Variants in ZDHHC20 observed in about 807,000 individuals in gnomAD.
ZDHHC20 encodes zDHHC palmitoyltransferase 20, also known as palmitoyltransferase ZDHHC20.
A neutral mutation model predicts 57.8 loss-of-function variants in ZDHHC20; 43 were observed. The ratio of observed to expected loss-of-function variants is 0.74; its 90% CI spans 0.58 to 0.96. The LOEUF is 0.96. Among genes scored for constraint, ZDHHC20 ranks in the 40% least tolerant of loss-of-function variants. The probability of loss-of-function intolerance (pLI) is 0.00; values close to 1 mark genes in which losing one functional copy is unlikely to be tolerated. For missense variants in ZDHHC20, 391 were observed against 441.1 expected (o/e 0.89, Z 1.02); for synonymous variants, 157 against 153.0 (o/e 1.03, Z -0.19).
chr13:21,409,763 G>T (rs1264182506), intron 4 of ZDHHC20, among the ~76,000 whole-genome samples: 1 of 152,072 alleles, frequency 6.6e-6, no homozygotes, highest in African/African-American at 2.4e-5. Flanking sequence ...CTCTAAACTG[G>T]TTATTCCAGT....
At chr13:21,443,350 C>T (rs886178095) in intron 1 of ZDHHC20, among the ~76,000 whole-genome samples, 1 of 152,130 alleles carries the variant, frequency 6.6e-6, no homozygotes, top group Admixed American at 6.6e-5. Flanking sequence ...ATTTCCCACT[C>T]GGGATAGGGT....
At position 21,425,749 on chromosome 13, in the gene ZDHHC20, A is replaced by AAT. The variant is rs947185111; in HGVS notation, c.119-73_119-72dup. ...TGTATGTAAGTTTTATTTCAGGTTG[A>AAT]ATATTCATCTTAATATCATTTTCAA... On this transcript the variant is annotated intron_variant, in intron 1 of 12. Transcript: ENST00000400590. 5.5e-6 allele frequency: 5 copies of AAT among 916,006 alleles called. No individual in the cohort carries two copies. In the African/African-American group the frequency reaches 8.8e-5, roughly 16 times the overall value. 56.7% of individuals were successfully genotyped at this position (916,006 alleles called of 1,614,324 possible).
At chr13:21,384,319 A>C (rs1416292006) in intron 9 of ZDHHC20, among the ~76,000 whole-genome samples, 1 of 152,018 alleles carries the variant, frequency 6.6e-6, no homozygotes, top group Non-Finnish European at 1.5e-5. Flanking sequence ...ATGCGCCTGT[A>C]ATCCTAGCTA....
chr13:21,417,386 C>T (rs1880111227), intron 3 of ZDHHC20, among the ~76,000 whole-genome samples: 1 of 151,914 alleles, frequency 6.6e-6, no homozygotes, highest in Non-Finnish European at 1.5e-5. Flanking sequence ...GAAAAGACAC[C>T]CCACCCGTAT....
chr13:21,427,727 C>T (rs558535674), intron 1 of ZDHHC20, among the ~76,000 whole-genome samples: 117 of 147,770 alleles, frequency 7.9e-4, no homozygotes, highest in African/African-American at 2.7e-3. Flanking sequence ...CCCACATACT[C>T]GGGAGGCTGA....
At chr13:21,411,859 C>T (rs577507299) in intron 4 of ZDHHC20, among the ~76,000 whole-genome samples, 68 of 152,136 alleles carry the variant, frequency 4.5e-4, no homozygotes, top group Non-Finnish European at 7.5e-4. Flanking sequence ...TAGAAGTGAA[C>T]GAGGCAGACT....
In ZDHHC20 at chr13:21,381,394, T is replaced by G. The variant is rs1266939523; in HGVS notation, c.1060+40A>C. On this transcript the variant is annotated intron_variant, in intron 11 of 12. Coordinates refer to ENST00000400590, the MANE Select transcript of ZDHHC20 (RefSeq NM_001330059.2). ...ATGTATTATATCTGGTGCTTTTCAT[T>G]TGAACCAGACAAAGCAGTGTTTCAA... 3 of 1,461,164 alleles carry G rather than the reference T, an allele frequency of 2.1e-6. No individual in the cohort carries two copies. In the Admixed American group the frequency reaches 5.3e-5, roughly 26 times the overall value. The allele number at this position is 1,461,164 out of a possible 1,614,324, so 90.5% of individuals were successfully genotyped here. A position where few individuals can be genotyped will look rare whatever the true frequency, so the allele number is the denominator to read the frequency against.
intron 11 of ZDHHC20, 100 bp downstream of exon 11, chr13:21,381,334 A>C: frequency 9.9e-7 from 1 of 1,009,324 alleles, no homozygotes; most frequent in South Asian, 1.5e-5. Flanking sequence ...ATATTTTAGT[A>C]TTTTTAAAAT....
chr13:21,405,385 A>G (rs1878300586), intron 4 of ZDHHC20, among the ~76,000 whole-genome samples: 1 of 152,160 alleles, frequency 6.6e-6, no homozygotes, highest in African/African-American at 2.4e-5. Context: ...TAGCTCAGCT[A>G]TTTTTTTCCC....
At chr13:21,395,661 C>A (rs1010601387) in intron 7 of ZDHHC20, among the ~76,000 whole-genome samples, 1 of 151,654 alleles carries the variant, frequency 6.6e-6, no homozygotes, top group Non-Finnish European at 1.5e-5. Context: ...GCCACCACAC[C>A]CAGCTAATTT....
intron 1 of ZDHHC20, among the ~76,000 whole-genome samples, chr13:21,443,036 T>C (rs1004546038): frequency 3.9e-5 from 6 of 152,226 alleles, no homozygotes; most frequent in East Asian, 1.9e-4. Flanking sequence ...ACCAGTGCCT[T>C]CTTCTGTTAC....
chr13:21,421,470 G>T (rs1880642502), intron 2 of ZDHHC20, among the ~76,000 whole-genome samples: 1 of 152,084 alleles, frequency 6.6e-6, no homozygotes, highest in Non-Finnish European at 1.5e-5. Context: ...TATATTTCAA[G>T]TTCTCCAAAA....
rs779345300 is a variant in ZDHHC20, at chr13:21,421,182, A to C, written c.146-18T>G. 1 of 1,600,094 alleles carries C rather than the reference A, an allele frequency of 6.2e-7. No individual in the cohort carries two copies. Among genetic ancestry groups the C allele is most frequent in the Non-Finnish European group, 8.6e-7 (1 of 1,169,074 alleles). ...GGTCTTTCCTGGTAAATAAAAACAA[A>C]TAACAGTTCATTGAATCCAGGTGAA... On this transcript the variant is annotated intron_variant, in intron 2 of 12. Coordinates refer to ENST00000400590, the MANE Select transcript of ZDHHC20 (RefSeq NM_001330059.2).
intron 7 of ZDHHC20, among the ~76,000 whole-genome samples, chr13:21,393,146 G>C (rs1876055536): frequency 1.3e-5 from 2 of 151,564 alleles, no homozygotes; most frequent in African/African-American, 4.8e-5. Context: ...AGAAAAAATA[G>C]ACAAGAACAT....
intron 12 of ZDHHC20, chr13:21,377,266 G>A (rs1593158574): frequency 8.7e-6 from 1 of 114,398 alleles, no homozygotes; most frequent in East Asian, 2.4e-4. Context: ...CCTAGTGCCT[G>A]CGATCTGACT....
intron 11 of ZDHHC20, among the ~76,000 whole-genome samples, chr13:21,380,933 G>A (rs902157985): frequency 7.9e-5 from 12 of 151,856 alleles, no homozygotes; most frequent in South Asian, 2.1e-4. Flanking sequence ...TACTCTCCTC[G>A]CTCTATCCCT....
intron 1 of ZDHHC20, among the ~76,000 whole-genome samples, chr13:21,433,126 C>A (rs1882165538): frequency 6.6e-6 from 1 of 152,068 alleles, no homozygotes; most frequent in Admixed American, 6.5e-5. Flanking sequence ...TAAATACTTA[C>A]TTATTTTTAC....
At chr13:21,450,347 C>T (rs1249278741) in intron 1 of ZDHHC20, among the ~76,000 whole-genome samples, 4 of 152,164 alleles carry the variant, frequency 2.6e-5, no homozygotes, top group African/African-American at 7.2e-5. Context: ...AACAGTCTGA[C>T]TTGGTTTCTA....
chr13:21,441,308 T>C (rs1055519776), intron 1 of ZDHHC20, among the ~76,000 whole-genome samples: 1 of 152,044 alleles, frequency 6.6e-6, no homozygotes, highest in African/African-American at 2.4e-5. Flanking sequence ...GTGACATTTT[T>C]CTTGTTTTTT....
Sources: allele counts gnomAD v4.1 joint callset (sites outside exome capture counted in the v4.1 genomes callset), GRCh38; gene constraint gnomAD v4.1.1; transcripts MANE v1.5; gene names NCBI Gene and HGNC (gene_info 2026-07-23, HGNC 2026-07-21).